The following SNX29 variants were observed in gnomAD, a reference collection of about 807,000 sequenced individuals.
SNX29 encodes sorting nexin-29.
Under a neutral mutation model 102.1 loss-of-function variants are expected in SNX29, and 78 were observed. The observed-to-expected ratio is 0.76, with a 90% CI of 0.64 to 0.92. The LOEUF is 0.92. Ranked by LOEUF, SNX29 falls within the 40% of genes least tolerant of loss-of-function variation. SNX29 has a pLI of 0.00. For synonymous variants in SNX29, 580 were observed against 414.5 expected (o/e 1.40, Z -4.85); for missense variants, 1,280 against 1,061.7 (o/e 1.21, Z -2.86).
At chr16:11,979,026 A>G (rs948664426) in intron 1 of SNX29, among the ~76,000 whole-genome samples, 13 of 152,170 alleles carry the variant, frequency 8.5e-5, no homozygotes, top group East Asian at 7.7e-4. Flanking sequence ...CTGTAATCTC[A>G]GCACTTTGGG....
chr16:12,444,833 TTTTTTTTTG>T (rs1168329731), intron 18 of SNX29, among the ~76,000 whole-genome samples: 2 of 78,998 alleles, frequency 2.5e-5, no homozygotes, highest in Non-Finnish European at 4.4e-5. Context: ...CTCGACAGTG[TTTTTTTTTG>T]TTTTTTTTTT....
intron 15 of SNX29, among the ~76,000 whole-genome samples, chr16:12,345,147 T>C (rs1405568743): frequency 1.3e-5 from 2 of 152,138 alleles, no homozygotes; most frequent in African/African-American, 4.8e-5. Context: ...ACACGTGGAG[T>C]TGGGTAAGAT....
intron 15 of SNX29, among the ~76,000 whole-genome samples, chr16:12,318,600 C>T (rs777178646): frequency 1.3e-5 from 2 of 152,072 alleles, no homozygotes; most frequent in Non-Finnish European, 2.9e-5. Context: ...TGGCTGGACG[C>T]GGTGGCTTAT....
chr16:12,555,589 T>TACC (rs1389182939), intron 20 of SNX29, among the ~76,000 whole-genome samples: 1 of 151,830 alleles, frequency 6.6e-6, no homozygotes, highest in African/African-American at 2.4e-5. Context: ...TTTCTCCCTG[T>TACC]ACCCAGCAGC....
intron 18 of SNX29, among the ~76,000 whole-genome samples, chr16:12,406,656 C>T (rs749566278): frequency 6.6e-6 from 1 of 152,108 alleles, no homozygotes. Context: ...GCCTATAATC[C>T]CAGCACTTTG....
chr16:11,983,747 A>C (rs915152675), intron 1 of SNX29: 4 of 976,078 alleles, frequency 4.1e-6, no homozygotes, highest in Non-Finnish European at 4.9e-6. Flanking sequence ...GAGCTCTTAA[A>C]ATTTGGAACT....
At chr16:12,182,032 C>T (rs557023538) in intron 13 of SNX29, among the ~76,000 whole-genome samples, 8 of 152,070 alleles carry the variant, frequency 5.3e-5, no homozygotes, top group African/African-American at 1.7e-4. Context: ...TACAGGCATG[C>T]GCCACCACGC....
chr16:12,398,359 C>CT, intron 16 of SNX29, 87 bp from the exon 17 acceptor site: 1 of 1,427,574 alleles, frequency 7.0e-7, no homozygotes, highest in Non-Finnish European at 9.9e-7. Context: ...TCAGGGATCT[C>CT]TGAGAGGCAG....
chr16:12,331,243 C>T (rs1192133830), intron 15 of SNX29, among the ~76,000 whole-genome samples: 2 of 152,102 alleles, frequency 1.3e-5, no homozygotes, highest in African/African-American at 2.4e-5. Context: ...GAAACTCCTA[C>T]ACAGAGATCA....
intron 18 of SNX29, among the ~76,000 whole-genome samples, chr16:12,413,483 A>G (rs2084490461): frequency 6.6e-6 from 1 of 151,928 alleles, no homozygotes; most frequent in Admixed American, 6.6e-5. Context: ...GGCTACAGAG[A>G]AGGGAGCCAG....
At chr16:12,322,943 G>T (rs1191195219) in intron 15 of SNX29, among the ~76,000 whole-genome samples, 1 of 130,840 alleles carries the variant, frequency 7.6e-6, no homozygotes, top group African/African-American at 3.2e-5. Flanking sequence ...TCAGGATGCG[G>T]TCACTGGAGT....
At chr16:12,533,466 C>G (rs576584400) in intron 20 of SNX29, among the ~76,000 whole-genome samples, 1 of 152,228 alleles carries the variant, frequency 6.6e-6, no homozygotes, top group African/African-American at 2.4e-5. Flanking sequence ...TCCCCACCCC[C>G]ATCCCCAGCA....
chr16:12,482,527 C>T (rs1453598171), intron 19 of SNX29, among the ~76,000 whole-genome samples: 3 of 152,176 alleles, frequency 2.0e-5, no homozygotes, highest in African/African-American at 7.2e-5. Flanking sequence ...GTCTCAAACT[C>T]CTGGGCTCAA....
At chr16:12,041,911 A>G (rs1445969977) in intron 4 of SNX29, among the ~76,000 whole-genome samples, 1 of 152,242 alleles carries the variant, frequency 6.6e-6, no homozygotes, top group Non-Finnish European at 1.5e-5. Context: ...ATAAAAAAGA[A>G]AAGTGCAGTA....
At chr16:12,233,758 A>G (rs2077840856) in intron 14 of SNX29, among the ~76,000 whole-genome samples, 1 of 152,060 alleles carries the variant, frequency 6.6e-6, no homozygotes, top group South Asian at 2.1e-4. Flanking sequence ...TTTCCTGAGC[A>G]GTCACTCTCC....
intron 18 of SNX29, among the ~76,000 whole-genome samples, chr16:12,470,319 G>A (rs1160807182): frequency 6.6e-6 from 1 of 152,254 alleles, no homozygotes; most frequent in Admixed American, 6.5e-5. Flanking sequence ...CTGTGTGTCA[G>A]TGAATGTTTA....
intron 14 of SNX29, among the ~76,000 whole-genome samples, chr16:12,243,164 G>A (rs1269450720): frequency 2.0e-5 from 3 of 152,224 alleles, no homozygotes; most frequent in Non-Finnish European, 4.4e-5. Context: ...TGCAGGCCTG[G>A]CATCTCTTGG....
chr16:12,546,211 G>C (rs1198439763), intron 20 of SNX29: 2 of 152,202 alleles, frequency 1.3e-5, no homozygotes, highest in Admixed American at 6.5e-5. Flanking sequence ...GGACGTAGGA[G>C]GTACTCATTG....
intron 18 of SNX29, among the ~76,000 whole-genome samples, chr16:12,466,898 C>G (rs558027691): frequency 6.6e-6 from 1 of 152,304 alleles, no homozygotes; most frequent in Admixed American, 6.5e-5. Flanking sequence ...TTGCATCTTC[C>G]TTTGGTGGAA....
Sources: gnomAD v4.1 joint callset for allele counts (sites outside exome capture counted in the v4.1 genomes callset) on GRCh38, gnomAD v4.1.1 for gene constraint, MANE v1.5 for transcripts, NCBI Gene and HGNC (gene_info 2026-07-23, HGNC 2026-07-21) for gene names.